The following GPR83 variants were observed in gnomAD, a reference collection of about 807,000 sequenced individuals.
GPR83 encodes the protein G-protein coupled receptor 72.
A neutral mutation model predicts 28.0 loss-of-function variants in GPR83; 23 were observed. That is an observed-to-expected ratio of 0.82 (90% CI 0.59 to 1.16). The LOEUF (loss-of-function observed/expected upper bound fraction) is 1.16. Ranked by LOEUF, GPR83 falls within the 50% of genes most tolerant of loss-of-function variation. The pLI, the probability that GPR83 is intolerant of heterozygous loss-of-function variation, is 0.00. For missense variants in GPR83, 610 were observed against 536.6 expected (o/e 1.14, Z -1.35); for synonymous variants, 234 against 215.4 (o/e 1.09, Z -0.76).
Position 94,380,613 on chromosome 11 carries a change from T to C in GPR83, c.808A>G (p.Asn270Asp). The C allele has an allele frequency of 6.2e-7, 1 of 1,614,112 alleles. No individual in the cohort carries two copies. Among genetic ancestry groups the C allele is most frequent in the Non-Finnish European group, 8.5e-7 (1 of 1,180,010 alleles). The change falls in exon 4 of 4, where the codon AAT (asparagine) becomes GAT (aspartate). Residue 270 changes from asparagine to aspartate, a missense_variant. Asn to Asp is a conservative substitution (Grantham distance 23). Coordinates refer to ENST00000243673, the MANE Select transcript of GPR83 (RefSeq NM_016540.4). ...ARVAKKLWLC[N>D]MIGDVTTEQY... Reference sequence around the variant, plus strand: ...TCTGTGGTCACATCGCCAATCATATTACACAGCCACAGTTTCTTGGCCACA... The same window carrying C: ...TCTGTGGTCACATCGCCAATCATATCACACAGCCACAGTTTCTTGGCCACA...
rs375792765 is a variant in GPR83 at position 94,384,509 on chromosome 11, A to G, written c.648-3736T>C. 5.3e-5 allele frequency among the ~76,000 whole-genome samples: 8 copies of G among 152,336 alleles called. No homozygotes were observed. In the East Asian group the frequency reaches 1.5e-3, roughly 29 times the overall value. ...ACAGTGGGTGCAGGACAGTGGGTGC[A>G]GCACACAAAGCATGAGCCGAAGCAG... On this transcript the variant is annotated intron_variant, in intron 3 of 3. Coordinates refer to ENST00000243673, the MANE Select transcript of GPR83 (RefSeq NM_016540.4).
intron 3 of GPR83, among the ~76,000 whole-genome samples, chr11:94,385,177 C>T (rs1944739169): frequency 6.6e-6 from 1 of 152,138 alleles, no homozygotes; most frequent in Non-Finnish European, 1.5e-5. Flanking sequence ...GAAAGGACAT[C>T]CACACCAAAA....
intron 3 of GPR83, among the ~76,000 whole-genome samples, chr11:94,390,537 C>A (rs1014795102): frequency 6.6e-6 from 1 of 152,174 alleles, no homozygotes; most frequent in African/African-American, 2.4e-5. Flanking sequence ...CAAATTGTCT[C>A]TGTTTGCAGA....
chr11:94,396,196 A>T (rs1465919760), intron 2 of GPR83, among the ~76,000 whole-genome samples: 2 of 152,176 alleles, frequency 1.3e-5, no homozygotes, highest in East Asian at 1.9e-4. Flanking sequence ...CTCCAGCCTG[A>T]GCAACAAGAG....
chr11:94,398,144 G>A (rs1376310832), intron 1 of GPR83, among the ~76,000 whole-genome samples: 1 of 152,162 alleles, frequency 6.6e-6, no homozygotes, highest in African/African-American at 2.4e-5. Flanking sequence ...GACTATTATA[G>A]CCTCTGAACA....
At chr11:94,392,651 C>T (rs1306876858) in intron 3 of GPR83, among the ~76,000 whole-genome samples, 1 of 151,786 alleles carries the variant, frequency 6.6e-6, no homozygotes, top group African/African-American at 2.4e-5. Context: ...ACGGTGAAAC[C>T]CCATTTCTAC....
At chr11:94,385,094 A>G (rs1421677727) in intron 3 of GPR83, among the ~76,000 whole-genome samples, 2 of 152,328 alleles carry the variant, frequency 1.3e-5, no homozygotes, top group East Asian at 3.9e-4. Flanking sequence ...ACAGGGTCTG[A>G]AGTGGACCTC....
chr11:94,381,405 G>T (rs942789113), intron 3 of GPR83, among the ~76,000 whole-genome samples: 1 of 151,854 alleles, frequency 6.6e-6, no homozygotes, highest in Non-Finnish European at 1.5e-5. Flanking sequence ...TCCTCCGTGT[G>T]GAAAGGTAGA....
chr11:94,385,122 C>A (rs1038454149), intron 3 of GPR83, among the ~76,000 whole-genome samples: 1 of 152,168 alleles, frequency 6.6e-6, no homozygotes, highest in Non-Finnish European at 1.5e-5. Flanking sequence ...CTCCAACAGA[C>A]CTGAAGCTGA....
At chr11:94,388,077 A>G (rs1944778256) in intron 3 of GPR83, among the ~76,000 whole-genome samples, 1 of 152,202 alleles carries the variant, frequency 6.6e-6, no homozygotes, top group Admixed American at 6.5e-5. Flanking sequence ...CAAAAACCAC[A>G]CGATTATCTC....
chr11:94,380,267 C>A lies in GPR83; in HGVS notation c.1154G>T (p.Trp385Leu). Residue 385 changes from tryptophan (W) to leucine (L), a missense_variant, in exon 4 of 4, where the codon TGG becomes TTG. Trp to Leu is a moderately conservative substitution (Grantham distance 61). Coordinates refer to ENST00000243673, the MANE Select transcript of GPR83 (RefSeq NM_016540.4). Reference protein sequence around the residue: ...PSPVPSFRVAWTEKNDGQRAP... With the variant: ...PSPVPSFRVALTEKNDGQRAP... ...CCTCTGGCCATCATTCTTCTCTGTCCAGGCCACCCTGAAGGAAGGAACTGG... is the reference window on the plus strand; with the variant it reads ...CCTCTGGCCATCATTCTTCTCTGTCAAGGCCACCCTGAAGGAAGGAACTGG... The A allele has an allele frequency of 1.9e-6, 3 of 1,571,660 alleles. No individual in the cohort carries two copies. The highest frequency in any genetic ancestry group is 2.7e-5 in the African/African-American group (2 of 74,038).
chr11:94,390,521 G>T (rs548412608), intron 3 of GPR83, among the ~76,000 whole-genome samples: 23 of 152,220 alleles, frequency 1.5e-4, no homozygotes, highest in African/African-American at 4.8e-4. Context: ...TGGGAAGAGA[G>T]GAAGTCAAAT....
chr11:94,386,725 A>G (rs1944760923), intron 3 of GPR83, among the ~76,000 whole-genome samples: 1 of 152,184 alleles, frequency 6.6e-6, no homozygotes, highest in Non-Finnish European at 1.5e-5. Flanking sequence ...CACAATAATA[A>G]TGGGAGACTT....
chr11:94,396,003 T>C (rs953160715), intron 2 of GPR83, among the ~76,000 whole-genome samples: 27 of 152,200 alleles, frequency 1.8e-4, no homozygotes, highest in African/African-American at 6.0e-4. Flanking sequence ...GTGGATCACC[T>C]GAGGTCAGGA....
At chr11:94,394,258 G>A (rs946988204) in intron 2 of GPR83, among the ~76,000 whole-genome samples, 4 of 152,138 alleles carry the variant, frequency 2.6e-5, no homozygotes, top group South Asian at 2.1e-4. Flanking sequence ...GACAGGAAGA[G>A]GCCATTCTCA....
In GPR83 at chr11:94,401,281, G is replaced by A. The variant is rs1331676684; in HGVS notation, c.-34C>T. ...AGCCACCCCTCCCCTGGGAGCCTGC[G>A]GGCCGGGCGTCCCCTCCCGCTGGGA... is the stretch of plus-strand genomic sequence containing the variant. On this transcript the variant is annotated 5_prime_UTR_variant, in exon 1 of 4. Transcript: ENST00000243673. 5 of 1,544,700 alleles carry A rather than the reference G, an allele frequency of 3.2e-6. No homozygotes were observed. Among genetic ancestry groups the A allele is most frequent in the East Asian group, 2.3e-5 (1 of 44,124 alleles).
intron 3 of GPR83, 82 bp downstream of exon 3, chr11:94,393,403 G>T: frequency 7.6e-7 from 1 of 1,313,410 alleles, no homozygotes; most frequent in Non-Finnish European, 1.1e-6. Flanking sequence ...GTGAGCTCCT[G>T]GGGGCCTCAG....
chr11:94,385,080 G>A (rs1565184895), intron 3 of GPR83, among the ~76,000 whole-genome samples: 1 of 152,206 alleles, frequency 6.6e-6, no homozygotes. Context: ...TGATACCCAG[G>A]CAAACAGGGT....
intron 3 of GPR83, among the ~76,000 whole-genome samples, chr11:94,381,423 C>G (rs1944687723): frequency 6.6e-6 from 1 of 151,902 alleles, no homozygotes; most frequent in African/African-American, 2.4e-5. Flanking sequence ...AGAAGGGCAG[C>G]CTGGATGTTG....
Sources: allele counts gnomAD v4.1 joint callset (sites outside exome capture counted in the v4.1 genomes callset), GRCh38; gene constraint gnomAD v4.1.1; transcripts MANE v1.5; gene names NCBI Gene and HGNC (gene_info 2026-07-23, HGNC 2026-07-21).